FOXP2: variants seen among roughly 807,000 people sequenced by gnomAD.
The protein encoded by FOXP2 is forkhead box protein P2.
A neutral mutation model predicts 115.8 loss-of-function variants in FOXP2; 12 were observed. The observed-to-expected ratio is 0.10, with a 90% CI of 0.07 to 0.17. The LOEUF (loss-of-function observed/expected upper bound fraction) is 0.17, where lower values mean the gene tolerates loss of function less well. Ranked by LOEUF, FOXP2 falls within the 10% of genes least tolerant of loss-of-function variation. The probability of loss-of-function intolerance (pLI) is 1.00; values close to 1 mark genes in which losing one functional copy is unlikely to be tolerated. For synonymous variants in FOXP2, 328 were observed against 297.7 expected, an observed-to-expected ratio of 1.10 and a Z score of -1.05; for missense variants, 629 against 843.5, an observed-to-expected ratio of 0.75 and a Z score of 3.15.
intron 2 of FOXP2, among the ~76,000 whole-genome samples, chr7:114,428,311 A>G (rs910290548): frequency 1.3e-5 from 2 of 151,588 alleles, no homozygotes; most frequent in African/African-American, 4.8e-5. Context: ...TAAACAGAAA[A>G]TGAGTAAAAT....
chr7:114,240,116 A>G (rs1795113817), intron 1 of FOXP2, among the ~76,000 whole-genome samples: 1 of 152,178 alleles, frequency 6.6e-6, no homozygotes, highest in Non-Finnish European at 1.5e-5. Flanking sequence ...TGTCCTATTT[A>G]TGATCTTAAT....
In FOXP2 at chr7:114,338,709, A is replaced by T. The variant is rs1791115809; in HGVS notation, c.-11+50600A>T. Among the ~76,000 whole-genome samples the T allele has an allele frequency of 2.7e-5, 4 of 150,262 alleles. No individual in the cohort carries two copies. The South Asian group carries it at 8.3e-4, about 31-fold the overall frequency. ...ATTCACTAAGAGTGTAGTCTGATCAAATCACAAAAATACAAAAACTGAGTT... is the reference window on the plus strand; with the variant it reads ...ATTCACTAAGAGTGTAGTCTGATCATATCACAAAAATACAAAAACTGAGTT... On this transcript the variant is annotated intron_variant, in intron 2 of 17. Coordinates refer to the FOXP2 transcript ENST00000634411.
At chr7:114,235,364 A>T (rs1166023948) in intron 1 of FOXP2, among the ~76,000 whole-genome samples, 1 of 151,794 alleles carries the variant, frequency 6.6e-6, no homozygotes, top group Non-Finnish European at 1.5e-5. Context: ...TTGTATTTTA[A>T]CTTTTTTTTT....
At chr7:114,670,271 A>T (rs1466715712) in intron 16 of FOXP2, among the ~76,000 whole-genome samples, 1 of 152,078 alleles carries the variant, frequency 6.6e-6, no homozygotes, top group African/African-American at 2.4e-5. Flanking sequence ...AAGAAAATTA[A>T]TTTATTGTGT....
intron 2 of FOXP2, among the ~76,000 whole-genome samples, chr7:114,468,615 C>T (rs753558011): frequency 1.3e-5 from 2 of 152,064 alleles, no homozygotes; most frequent in Non-Finnish European, 2.9e-5. Flanking sequence ...CCTGGAACAA[C>T]TCTTTCTCAT....
chr7:114,154,429 T>C (rs906622805), intron 1 of FOXP2, among the ~76,000 whole-genome samples: 5 of 152,042 alleles, frequency 3.3e-5, no homozygotes, highest in Non-Finnish European at 7.4e-5. Context: ...TCAGAAATTA[T>C]TCAAAAAATA....
intron 1 of FOXP2, among the ~76,000 whole-genome samples, chr7:114,167,829 G>A (rs557377357): frequency 6.6e-5 from 10 of 151,692 alleles, no homozygotes; most frequent in African/African-American, 1.7e-4. Context: ...CCAGCTACTC[G>A]GGAGGCTGAG....
Position 114,481,794 on chromosome 7 carries a change from A to ATCTG in FOXP2, c.169-52820_169-52819insGTCT, listed in dbSNP as rs1261033531. Among the ~76,000 whole-genome samples the ATCTG allele has an allele frequency of 5.3e-3, 793 of 150,890 alleles. 15 individuals are homozygous for ATCTG. Among genetic ancestry groups the ATCTG allele is most frequent in the South Asian group, 0.028 (133 of 4,802 alleles). ...TATCTATCTATCTATCTATCTATCTATCTATCTATCTATCTATATATCTAT... is the reference window on the plus strand; with the variant it reads ...TATCTATCTATCTATCTATCTATCTATCTGTCTATCTATCTATCTATATATCTAT... On this transcript the variant is annotated intron_variant, in intron 2 of 16. Coordinates refer to ENST00000350908, the MANE Select transcript of FOXP2 (RefSeq NM_014491.4).
rs145483875 is a variant in FOXP2, at chr7:114,531,427, G to A, written c.169-3190G>A. Among the ~76,000 whole-genome samples the A allele has an allele frequency of 5.3e-5, 8 of 151,964 alleles. 1 individual carries two copies. The highest frequency in any genetic ancestry group is 4.6e-4 in the Admixed American group (7 of 15,206). On this transcript the variant is annotated intron_variant, in intron 2 of 16. Transcript: ENST00000350908. ...AATAAATTGCAAAGATGAACTAAAT[G>A]TCATCTAATTGCTCAGAGACCTGAG...
rs571243234 is a variant in FOXP2, at chr7:114,652,338, T to A, written c.1182+48T>A. 3.8e-5 allele frequency: 59 copies of A among 1,541,312 alleles called. 1 individual carries two copies. The South Asian group carries it at 6.0e-4, about 16-fold the overall frequency. On this transcript the variant is annotated intron_variant, in intron 9 of 16. Transcript: ENST00000350908. ...GGACTCTTCTTAGATTTCTGGTGTG[T>A]TACATTGAGTACTGAGCAGATTCTG...
chr7:114,625,378 T>A (rs893551584), intron 3 of FOXP2, among the ~76,000 whole-genome samples: 6 of 151,786 alleles, frequency 4.0e-5, no homozygotes, highest in Non-Finnish European at 7.4e-5. Context: ...AATATTTGCA[T>A]GAATCAAATT....
chr7:114,642,779 A>T (rs1453211966), intron 7 of FOXP2, among the ~76,000 whole-genome samples, 156 bp downstream of exon 7: 22 of 91,180 alleles, frequency 2.4e-4, no homozygotes, highest in Admixed American at 6.3e-4. Context: ...TTTTATATAT[A>T]ATATATATAT....
chr7:114,349,516 A>G (rs1791427673), intron 2 of FOXP2, among the ~76,000 whole-genome samples: 1 of 152,190 alleles, frequency 6.6e-6, no homozygotes, highest in South Asian at 2.1e-4. Flanking sequence ...CATTTATTCG[A>G]TATTTCTATT....
At chr7:114,406,511 T>C (rs748023120) in intron 2 of FOXP2, among the ~76,000 whole-genome samples, 1 of 151,974 alleles carries the variant, frequency 6.6e-6, no homozygotes, top group Admixed American at 6.6e-5. Context: ...TTTTCAGATA[T>C]CCATTATACA....
chr7:114,621,358 G>A (rs1402956372), intron 3 of FOXP2, among the ~76,000 whole-genome samples: 1 of 151,974 alleles, frequency 6.6e-6, no homozygotes. Flanking sequence ...TATAGTTTGG[G>A]ATATTATGGT....
intron 3 of FOXP2, among the ~76,000 whole-genome samples, chr7:114,589,382 A>T (rs1398013622): frequency 6.6e-6 from 1 of 151,944 alleles, no homozygotes; most frequent in Non-Finnish European, 1.5e-5. Flanking sequence ...TAAAAAGGGG[A>T]TGTGTTGGTA....
chr7:114,166,297 T>G (rs531697928), intron 1 of FOXP2, among the ~76,000 whole-genome samples: 3 of 152,276 alleles, frequency 2.0e-5, no homozygotes, highest in African/African-American at 7.2e-5. Context: ...GAGGAAAGCT[T>G]CTGTTAAGAG....
intron 1 of FOXP2, among the ~76,000 whole-genome samples, chr7:114,150,566 T>C (rs1161496715): frequency 6.6e-6 from 1 of 152,078 alleles, no homozygotes; most frequent in Non-Finnish European, 1.5e-5. Flanking sequence ...TTATTATTAT[T>C]GTTTTTGCTG....
At chr7:114,464,474 A>G (rs2129226561) in intron 2 of FOXP2, among the ~76,000 whole-genome samples, 1 of 152,352 alleles carries the variant, frequency 6.6e-6, no homozygotes, top group African/African-American at 2.4e-5. Flanking sequence ...GTATGAAAGT[A>G]ATTGAAAAGG....
Sources: allele counts gnomAD v4.1 joint callset (sites outside exome capture counted in the v4.1 genomes callset), GRCh38; gene constraint gnomAD v4.1.1; transcripts MANE v1.5; gene names NCBI Gene and HGNC (gene_info 2026-07-23, HGNC 2026-07-21).